The following ZNF469 variants were observed in gnomAD, a reference collection of about 807,000 sequenced individuals.
The protein encoded by ZNF469 is zinc finger protein 469.
In ZNF469, 1 loss-of-function variant was observed where a neutral mutation model predicts 1.0. The ratio of observed to expected loss-of-function variants is 1.00; its 90% CI spans 0.35 to 4.73. ZNF469 has a LOEUF of 4.73. ZNF469 is among the 30% of genes most tolerant of loss of function. The probability of loss-of-function intolerance (pLI) is 0.16; values close to 1 mark genes in which losing one functional copy is unlikely to be tolerated. For missense variants in ZNF469, 6,100 were observed against 5,356.3 expected (o/e 1.14, Z -4.33); for synonymous variants, 2,703 against 2,363.4 (o/e 1.14, Z -4.17).
In ZNF469 at chr16:88,438,758, C is replaced by G. The variant is rs773654552; in HGVS notation, c.11288C>G (p.Thr3763Ser). The G allele has an allele frequency of 2.6e-5, 40 of 1,550,002 alleles. No homozygotes were observed. In the African/African-American group the frequency reaches 4.2e-4, roughly 16 times the overall value. Residue 3763 changes from threonine to serine, a missense_variant, in exon 3 of 3, where the codon ACC becomes AGC. Physicochemically the swap from Thr to Ser is moderately conservative, Grantham distance 58 (BLOSUM62 1). Transcript: ENST00000565624. ...GGGCAGCTCCAGAGCGAGACAGCCA[C>G]CACCCCAGCCAAGCCCAGCTTCCCC... ...ASGQLQSETA[T>S]TPAKPSFPSR... is the part of the protein sequence containing the mutation.
At chr16:88,188,828 G>T in the ZNF469 span, among the ~76,000 whole-genome samples, 2 of 152,192 alleles carry the variant, frequency 1.3e-5, 1 homozygote, top group African/African-American at 4.8e-5. Context: ...GCACCTCTCT[G>T]TGGAGTTTGA....
chr16:88,380,458 C>G (rs1162145360), upstream of ZNF469, among the ~76,000 whole-genome samples: 1 of 125,522 alleles, frequency 8.0e-6, no homozygotes, highest in African/African-American at 4.3e-5. Flanking sequence ...CACAGACATG[C>G]ACACACACAT....
the ZNF469 span, among the ~76,000 whole-genome samples, chr16:88,264,903 G>A: frequency 1.3e-5 from 2 of 152,128 alleles, no homozygotes; most frequent in African/African-American, 4.8e-5. Flanking sequence ...GAGGGTGACC[G>A]TGGCCTCTCC....
At chr16:88,138,965 C>T in the ZNF469 span, among the ~76,000 whole-genome samples, 27 of 152,372 alleles carry the variant, frequency 1.8e-4, no homozygotes, top group Middle Eastern at 6.8e-3. Context: ...TCTGGTGAAA[C>T]GCTAGGCTGT....
At chr16:88,218,568 C>T in the ZNF469 span, among the ~76,000 whole-genome samples, 13 of 152,058 alleles carry the variant, frequency 8.5e-5, no homozygotes, top group South Asian at 4.2e-4. Context: ...AATTCAACAA[C>T]GCTTCATGCT....
chr16:88,169,631 G>T, the ZNF469 span, among the ~76,000 whole-genome samples: 2 of 152,328 alleles, frequency 1.3e-5, no homozygotes, highest in East Asian at 3.9e-4. The surrounding 1 kb of genome is among the most constrained non-coding windows in gnomAD (Gnocchi z 6.1). Context: ...GGCTGATTCC[G>T]GGTCTGCCAA....
rs75590225 is a variant in ZNF469, at chr16:88,424,597, C to G, written c.-191-210C>G. ...TGAGGCAGCCAGGTGACCCCTAAAC[C>G]CTTCAGGGTCCCCCGGGCCAGCTGA... On this transcript the variant is annotated intron_variant, in intron 1 of 2. Transcript: ENST00000565624. This position sits in a 1 kb window ranked among gnomAD's most constrained non-coding sequence, Gnocchi z 4.3. Among the ~76,000 whole-genome samples the G allele has an allele frequency of 6.6e-6, 1 of 152,250 alleles. No homozygotes were observed. Among genetic ancestry groups the G allele is most frequent in the Middle Eastern group, 3.4e-3 (1 of 294 alleles).
chr16:88,327,184 C>G, the ZNF469 span, among the ~76,000 whole-genome samples: 1 of 152,342 alleles, frequency 6.6e-6, no homozygotes, highest in East Asian at 1.9e-4. Context: ...GGGTGGCCGC[C>G]TCTCCAGAGC....
At chr16:88,331,195 TCAC>T in the ZNF469 span, among the ~76,000 whole-genome samples, 5 of 141,526 alleles carry the variant, frequency 3.5e-5, no homozygotes, top group East Asian at 2.1e-4. Flanking sequence ...GTCGTCACCA[TCAC>T]CACCACCATC....
upstream of ZNF469, among the ~76,000 whole-genome samples, chr16:88,379,722 C>G (rs1436369754): frequency 6.6e-6 from 1 of 152,186 alleles, no homozygotes; most frequent in African/African-American, 2.4e-5. Context: ...CTGATGCTGC[C>G]ACTGGGTTAG....
the ZNF469 span, among the ~76,000 whole-genome samples, chr16:88,351,114 G>T: frequency 1.3e-5 from 2 of 152,184 alleles, no homozygotes; most frequent in East Asian, 1.9e-4. Flanking sequence ...GCATGTCGGG[G>T]TCAGTCACTC....
the ZNF469 span, among the ~76,000 whole-genome samples, chr16:88,215,485 G>C: frequency 1.4e-5 from 2 of 141,498 alleles, no homozygotes; most frequent in African/African-American, 5.2e-5. Flanking sequence ...CGCCTCCAGG[G>C]TTCAAGCGAT....
At chr16:88,356,196 G>A in the ZNF469 span, among the ~76,000 whole-genome samples, 10 of 152,244 alleles carry the variant, frequency 6.6e-5, no homozygotes, top group East Asian at 5.8e-4. Context: ...GGGCCTCCTC[G>A]GCTCTGGGCA....
the ZNF469 span, among the ~76,000 whole-genome samples, chr16:88,242,174 G>C: frequency 7.2e-5 from 11 of 152,206 alleles, no homozygotes; most frequent in Non-Finnish European, 1.3e-4. Flanking sequence ...CGGCTCTAGT[G>C]GTCAAGGGTG....
chr16:88,345,178 C>T, the ZNF469 span, among the ~76,000 whole-genome samples: 2 of 152,198 alleles, frequency 1.3e-5, no homozygotes, highest in Non-Finnish European at 2.9e-5. Context: ...CTCCCGGGCA[C>T]CCAGGCCAGA....
the ZNF469 span, among the ~76,000 whole-genome samples, chr16:88,112,843 T>C: frequency 7.2e-6 from 1 of 138,312 alleles, no homozygotes; most frequent in Non-Finnish European, 1.5e-5. Context: ...AGTGGCACGA[T>C]CTCAGCTCAC....
intron 1 of ZNF469, among the ~76,000 whole-genome samples, chr16:88,394,295 G>A (rs1040117770): frequency 4.6e-5 from 7 of 152,166 alleles, no homozygotes; most frequent in South Asian, 2.1e-4. Context: ...GGTTTGACAC[G>A]TCTACACCTG....
chr16:88,264,214 G>A, the ZNF469 span, among the ~76,000 whole-genome samples: 1 of 152,024 alleles, frequency 6.6e-6, no homozygotes, highest in African/African-American at 2.4e-5. Context: ...CTTCCAGGAG[G>A]AGCTTGTCCT....
intron 1 of ZNF469, among the ~76,000 whole-genome samples, chr16:88,398,822 A>G (rs74032817): frequency 0.26 from 38,833 of 152,136 alleles, 5,500 homozygotes; most frequent in African/African-American, 0.39. Flanking sequence ...ATCCGTGACC[A>G]AAGGTCAGGG....
Sources: allele counts gnomAD v4.1 joint callset (sites outside exome capture counted in the v4.1 genomes callset), GRCh38; gene constraint gnomAD v4.1.1; non-coding constraint Gnocchi (gnomAD v3.1); transcripts MANE v1.5; gene names NCBI Gene and HGNC (gene_info 2026-07-23, HGNC 2026-07-21).